The following SEMA3E variants were observed in gnomAD, a reference collection of about 807,000 sequenced individuals.
SEMA3E encodes semaphorin 3E.
SEMA3E carries 49 observed loss-of-function variants against 93.6 expected under a neutral mutation model. That is an observed-to-expected ratio of 0.52 (90% CI 0.42 to 0.66). SEMA3E has a LOEUF of 0.66. Ranked by LOEUF, SEMA3E falls within the 30% of genes least tolerant of loss-of-function variation. SEMA3E has a pLI of 0.00. For missense variants in SEMA3E, 906 were observed against 964.8 expected (o/e 0.94, Z 0.81); for synonymous variants, 363 against 330.7 (o/e 1.10, Z -1.06).
At chr7:83,619,750 A>G (rs1793507888) in intron 1 of SEMA3E, among the ~76,000 whole-genome samples, 1 of 151,878 alleles carries the variant, frequency 6.6e-6, no homozygotes, top group East Asian at 1.9e-4. Flanking sequence ...ATATTTTAAA[A>G]GGAGAGACAA....
intron 1 of SEMA3E, among the ~76,000 whole-genome samples, chr7:83,556,578 C>T (rs1345138853): frequency 1.3e-5 from 2 of 152,078 alleles, no homozygotes; most frequent in African/African-American, 2.4e-5. Flanking sequence ...ATAGTATAAA[C>T]AGTGGAAGCA....
At chr7:83,510,080 G>A (rs892034670) in intron 1 of SEMA3E, among the ~76,000 whole-genome samples, 9 of 147,938 alleles carry the variant, frequency 6.1e-5, no homozygotes, top group African/African-American at 2.4e-4. Context: ...AATAATGGAT[G>A]TAAAAATGTT....
chr7:83,647,602 G>A (rs1794095642), intron 1 of SEMA3E, among the ~76,000 whole-genome samples: 1 of 152,118 alleles, frequency 6.6e-6, no homozygotes, highest in African/African-American at 2.4e-5. Context: ...ACCTATTCAT[G>A]ACTGGCTTGT....
At chr7:83,504,524 C>A (rs1032349369) in intron 1 of SEMA3E, among the ~76,000 whole-genome samples, 1 of 152,062 alleles carries the variant, frequency 6.6e-6, no homozygotes, top group Non-Finnish European at 1.5e-5. Context: ...CCCCTGGGTA[C>A]GTGGGTTCTC....
rs867260781 is a variant in SEMA3E at position 83,441,945 on chromosome 7, G to T, written c.457-23462C>A. On this transcript the variant is annotated intron_variant, in intron 4 of 16. Coordinates refer to ENST00000643230, the MANE Select transcript of SEMA3E (RefSeq NM_012431.3). ...AATGTTCAATCAGTACTTTCAACTT[G>T]TCTCTGTTCTTTGAATTCTTTACAA... 1.2e-4 allele frequency among the ~76,000 whole-genome samples: 19 copies of T among 152,206 alleles called. No individual in the cohort carries two copies. In the Middle Eastern group the frequency reaches 0.01, roughly 82 times the overall value.
intron 7 of SEMA3E, 58 bp downstream of exon 7, chr7:83,407,039 A>T (rs946035586): frequency 2.7e-5 from 44 of 1,600,500 alleles, no homozygotes; most frequent in Non-Finnish European, 3.2e-5. Flanking sequence ...TATAAACTTA[A>T]TAAAGGCCTG....
chr7:83,409,530 G>A (rs1788399522), intron 5 of SEMA3E, among the ~76,000 whole-genome samples: 1 of 152,158 alleles, frequency 6.6e-6, no homozygotes, highest in Admixed American at 6.5e-5. Context: ...AAACAGATAT[G>A]ATTATTATAT....
intron 1 of SEMA3E, among the ~76,000 whole-genome samples, chr7:83,566,146 C>T (rs1314492172): frequency 6.6e-6 from 1 of 150,840 alleles, no homozygotes; most frequent in Non-Finnish European, 1.5e-5. Context: ...TACAGGCGGC[C>T]GTCACCACAC....
At chr7:83,529,752 A>T (rs116571646) in intron 1 of SEMA3E, among the ~76,000 whole-genome samples, 1,664 of 152,252 alleles carry the variant, frequency 0.011, 28 homozygotes, top group African/African-American at 0.039. Context: ...ATCAAGTATT[A>T]GTATTCTCTC....
At chr7:83,403,437 G>A (rs1788268198) in intron 9 of SEMA3E, among the ~76,000 whole-genome samples, 1 of 151,828 alleles carries the variant, frequency 6.6e-6, no homozygotes, top group Admixed American at 6.6e-5. Context: ...AAATTTTCTT[G>A]ATTAAAATTT....
intron 1 of SEMA3E, among the ~76,000 whole-genome samples, chr7:83,645,594 T>C (rs954308819): frequency 1.3e-5 from 2 of 152,074 alleles, no homozygotes; most frequent in Non-Finnish European, 2.9e-5. Flanking sequence ...TTCTTAATAT[T>C]AGTGTGCAGT....
chr7:83,564,759 G>C (rs554611312), intron 1 of SEMA3E, among the ~76,000 whole-genome samples: 1 of 152,206 alleles, frequency 6.6e-6, no homozygotes, highest in South Asian at 2.1e-4. Flanking sequence ...GTTCAGGAAT[G>C]TTGTAATAGG....
chr7:83,442,299 C>A (rs1291074733), intron 4 of SEMA3E, among the ~76,000 whole-genome samples: 1 of 152,152 alleles, frequency 6.6e-6, no homozygotes, highest in Non-Finnish European at 1.5e-5. Context: ...TCCTGTGCTA[C>A]CACATTTTGG....
In SEMA3E at chr7:83,402,727, G is replaced by A. The variant is rs546414937; in HGVS notation, c.1048C>T (p.Arg350Trp). The A allele has an allele frequency of 6.8e-5, 109 of 1,612,736 alleles. No individual in the cohort carries two copies. In the East Asian group the frequency reaches 1.4e-3, roughly 20 times the overall value. The change falls in exon 10 of 17, where the codon CGG (arginine) becomes TGG (tryptophan). Residue 350 changes from arginine (R) to tryptophan (W), a missense_variant. Coordinates refer to ENST00000643230, the MANE Select transcript of SEMA3E (RefSeq NM_012431.3). ...AICVYHMSSI[R>W]AAFNGPYAHK... ...GCATATGGTCCGTTGAAGGCTGCCC[G>A]AATGCTAGACATGTGATAGACACAT...
chr7:83,475,444 A>G (rs149889100), intron 2 of SEMA3E, among the ~76,000 whole-genome samples: 5 of 152,278 alleles, frequency 3.3e-5, no homozygotes, highest in Non-Finnish European at 7.4e-5. Context: ...TGACCAGGAT[A>G]GTAAAGATTC....
chr7:83,648,343 A>C (rs1351077780), intron 1 of SEMA3E, 85 bp downstream of exon 1: 1 of 944,782 alleles, frequency 1.1e-6, no homozygotes, highest in Non-Finnish European at 1.6e-6. Context: ...CCATAAGCCT[A>C]TGTTAATGTT....
chr7:83,571,859 A>T (rs968091211), intron 1 of SEMA3E, among the ~76,000 whole-genome samples: 5 of 152,314 alleles, frequency 3.3e-5, no homozygotes, highest in Middle Eastern at 3.4e-3. Context: ...TAGAACTAGT[A>T]AATGACTTCA....
intron 16 of SEMA3E, among the ~76,000 whole-genome samples, chr7:83,382,183 C>T (rs896594680): frequency 2.6e-5 from 4 of 152,010 alleles, no homozygotes; most frequent in African/African-American, 9.7e-5. Flanking sequence ...GTAGAAATTA[C>T]ATAGACACCT....
chr7:83,540,644 A>C (rs555393281), intron 1 of SEMA3E, among the ~76,000 whole-genome samples: 346 of 152,306 alleles, frequency 2.3e-3, no homozygotes, highest in African/African-American at 8.0e-3. Flanking sequence ...GGGTTGATCC[A>C]CAGACTGTTT....
Sources: gnomAD v4.1 joint callset for allele counts (sites outside exome capture counted in the v4.1 genomes callset) on GRCh38, gnomAD v4.1.1 for gene constraint, MANE v1.5 for transcripts, NCBI Gene and HGNC (gene_info 2026-07-23, HGNC 2026-07-21) for gene names.